The following SUSD6 variants were observed in gnomAD, a reference collection of about 807,000 sequenced individuals.
SUSD6 encodes the protein sushi domain-containing protein 6.
A neutral mutation model predicts 28.4 loss-of-function variants in SUSD6; 16 were observed. That is an observed-to-expected ratio of 0.56 (90% confidence interval 0.38 to 0.86). SUSD6 has a LOEUF of 0.86. Ranked by LOEUF, SUSD6 falls within the 40% of genes least tolerant of loss-of-function variation. The pLI, the probability that SUSD6 is intolerant of heterozygous loss-of-function variation, is 0.00. For missense variants in SUSD6, 341 were observed against 384.2 expected, an observed-to-expected ratio of 0.89 and a Z score of 0.94; for synonymous variants, 147 against 159.6, an observed-to-expected ratio of 0.92 and a Z score of 0.59.
At chr14:69,702,351 A>G (rs1334319378) in intron 2 of SUSD6, among the ~76,000 whole-genome samples, 1 of 152,128 alleles carries the variant, frequency 6.6e-6, no homozygotes, top group South Asian at 2.1e-4. Flanking sequence ...CCGGCAGTCC[A>G]CCACCTGGGG....
intron 1 of SUSD6, among the ~76,000 whole-genome samples, chr14:69,636,578 A>G (rs1885269088): frequency 6.6e-6 from 1 of 152,238 alleles, no homozygotes; most frequent in Admixed American, 6.5e-5. Flanking sequence ...ATTGTTGCCA[A>G]TATACACTCA....
At chr14:69,619,929 C>T (rs541260337) in intron 1 of SUSD6, among the ~76,000 whole-genome samples, 58 of 152,306 alleles carry the variant, frequency 3.8e-4, no homozygotes, top group African/African-American at 1.3e-3. Flanking sequence ...AATCAGCTAC[C>T]CACCTAAATG....
chr14:69,652,035 G>C (rs1885512253), intron 1 of SUSD6, among the ~76,000 whole-genome samples: 6 of 152,140 alleles, frequency 3.9e-5, no homozygotes, highest in Admixed American at 3.9e-4. Context: ...GTTAATTAAA[G>C]GAATAAACTC....
chr14:69,646,588 A>C (rs1313030722), intron 1 of SUSD6, among the ~76,000 whole-genome samples: 2 of 151,806 alleles, frequency 1.3e-5, no homozygotes, highest in African/African-American at 4.8e-5. Flanking sequence ...AATGAAATTC[A>C]TTATGTTCCC....
In SUSD6 at chr14:69,708,898, G is replaced by A; in HGVS notation, c.680G>A (p.Gly227Asp). 6.2e-7 allele frequency: 1 copy of A among 1,614,204 alleles called. No individual in the cohort carries two copies. The highest frequency in any genetic ancestry group is 8.5e-7 in the Non-Finnish European group (1 of 1,180,012). ...LPDQGACSSA[G>D]GEDEAPGQSG... ...GACCAAGGGGCCTGCTCCTCTGCAGGTGGAGAAGATGAGGCCCCAGGCCAG... is the reference window on the plus strand; with the variant it reads ...GACCAAGGGGCCTGCTCCTCTGCAGATGGAGAAGATGAGGCCCCAGGCCAG... The change falls in exon 5 of 6, where the codon GGT becomes GAT. Residue 227 changes from glycine (G) to aspartate (D), a missense_variant. Transcript: ENST00000342745.
At chr14:69,620,376 C>T (rs1372961433) in intron 1 of SUSD6, among the ~76,000 whole-genome samples, 2 of 152,232 alleles carry the variant, frequency 1.3e-5, no homozygotes, top group Non-Finnish European at 2.9e-5. Flanking sequence ...TAGGTGGTTG[C>T]TGCAGAAACC....
intron 2 of SUSD6, among the ~76,000 whole-genome samples, chr14:69,670,672 T>A (rs571753910): frequency 1.6e-4 from 25 of 152,394 alleles, no homozygotes; most frequent in Non-Finnish European, 3.4e-4. Context: ...TCTGTAAAAT[T>A]GGGATGATAA....
At chr14:69,642,125 C>T (rs1885361593) in intron 1 of SUSD6, among the ~76,000 whole-genome samples, 1 of 152,156 alleles carries the variant, frequency 6.6e-6, no homozygotes, top group Non-Finnish European at 1.5e-5. Context: ...TATTGAAAGC[C>T]AATCATAGTT....
intron 2 of SUSD6, 141 bp from the exon 3 acceptor site, chr14:69,703,254 G>A (rs1160363679): frequency 2.8e-6 from 2 of 706,038 alleles, no homozygotes; most frequent in East Asian, 2.6e-5. Flanking sequence ...AGTTTCCAGG[G>A]TTTGGTTAAC....
intron 2 of SUSD6, among the ~76,000 whole-genome samples, chr14:69,669,955 C>A (rs992641832): frequency 6.6e-6 from 1 of 152,184 alleles, no homozygotes; most frequent in African/African-American, 2.4e-5. Flanking sequence ...CTTTTTATGA[C>A]CTCTGGTAAT....
At chr14:69,703,733 T>C in intron 3 of SUSD6, 141 bp downstream of exon 3, 1 of 707,796 alleles carries the variant, frequency 1.4e-6, no homozygotes, top group Admixed American at 2.4e-5. Context: ...CTCCCTTCCT[T>C]GGGTCTTCAT....
intron 2 of SUSD6, among the ~76,000 whole-genome samples, chr14:69,669,688 C>G (rs1383142298): frequency 6.8e-6 from 1 of 148,090 alleles, no homozygotes; most frequent in East Asian, 1.9e-4. Flanking sequence ...TACCTCCTGC[C>G]TTTTCCTCCC....
intron 2 of SUSD6, among the ~76,000 whole-genome samples, chr14:69,678,171 CTT>C (rs1885942130): frequency 6.6e-6 from 1 of 150,812 alleles, no homozygotes; most frequent in African/African-American, 2.4e-5. Flanking sequence ...CAGGGACTCT[CTT>C]GGGAAAAAAA....
chr14:69,689,607 G>A (rs987704745), intron 2 of SUSD6, among the ~76,000 whole-genome samples: 1 of 152,076 alleles, frequency 6.6e-6, no homozygotes, highest in African/African-American at 2.4e-5. Flanking sequence ...AATTAATGAA[G>A]GAATTTGTTA....
chr14:69,687,000 A>C (rs2139634414), intron 2 of SUSD6, among the ~76,000 whole-genome samples: 2 of 152,228 alleles, frequency 1.3e-5, no homozygotes, highest in Admixed American at 1.3e-4. Flanking sequence ...TTTGAGTCAG[A>C]GTCTTGCTTT....
intron 1 of SUSD6, among the ~76,000 whole-genome samples, chr14:69,614,069 TA>T (rs1884921840): frequency 6.6e-6 from 1 of 152,234 alleles, no homozygotes; most frequent in African/African-American, 2.4e-5. Context: ...TGTTCTTTTT[TA>T]TTTTTTATTT....
chr14:69,627,945 T>TTG lies in SUSD6; in HGVS notation c.-81+16118_-81+16119insGT, dbSNP rs1199990537. 2.6e-5 allele frequency among the ~76,000 whole-genome samples: 4 copies of TTG among 152,164 alleles called. No individual in the cohort carries two copies. In the South Asian group the frequency reaches 8.3e-4, roughly 32 times the overall value. Reference sequence around the variant, plus strand: ...TGCTCTTACCCAAAGTGACTTTTTTTTTTTTTGAGATGGAGTCTCGCTCTG... The same window carrying TTG: ...TGCTCTTACCCAAAGTGACTTTTTTTTGTTTTTTGAGATGGAGTCTCGCTCTG... On this transcript the variant is annotated intron_variant, in intron 1 of 5. Coordinates refer to ENST00000342745, the MANE Select transcript of SUSD6 (RefSeq NM_014734.4).
intron 2 of SUSD6, among the ~76,000 whole-genome samples, chr14:69,701,584 T>G (rs751632444): frequency 6.6e-6 from 1 of 152,174 alleles, no homozygotes; most frequent in Non-Finnish European, 1.5e-5. Context: ...TGGCCAGCGC[T>G]CTGAACTACT....
chr14:69,626,146 A>G (rs929359159), intron 1 of SUSD6, among the ~76,000 whole-genome samples: 13 of 152,170 alleles, frequency 8.5e-5, no homozygotes, highest in Non-Finnish European at 1.5e-4. Flanking sequence ...ATTTCTGCCT[A>G]GTACGGTTTC....
Sources: allele counts gnomAD v4.1 joint callset (sites outside exome capture counted in the v4.1 genomes callset), GRCh38; gene constraint gnomAD v4.1.1; transcripts MANE v1.5; gene names NCBI Gene and HGNC (gene_info 2026-07-23, HGNC 2026-07-21).